The following AHNAK variants were observed in gnomAD, a reference collection of about 807,000 sequenced individuals.
AHNAK encodes AHNAK nucleoprotein.
AHNAK carries 23 observed loss-of-function variants against 37.8 expected under a neutral mutation model. The ratio of observed to expected loss-of-function variants is 0.61; its 90% CI spans 0.44 to 0.86. AHNAK has a LOEUF of 0.86. Among genes scored for constraint, AHNAK ranks in the 40% least tolerant of loss-of-function variants. AHNAK has a pLI of 0.00. For missense variants in AHNAK, 7,411 were observed against 7,319.4 expected, an observed-to-expected ratio of 1.01 and a Z score of -0.46; for synonymous variants, 2,481 against 2,636.3, an observed-to-expected ratio of 0.94 and a Z score of 1.80.
intron 5 of AHNAK, among the ~76,000 whole-genome samples, chr11:62,482,658 GT>G (rs1939298635): frequency 6.6e-6 from 1 of 152,112 alleles, no homozygotes; most frequent in East Asian, 1.9e-4. Context: ...ACCTCAGAGG[GT>G]GAGTGCTTAC....
intron 1 of AHNAK, among the ~76,000 whole-genome samples, chr11:62,544,742 A>C (rs1013869498): frequency 6.6e-6 from 1 of 152,142 alleles, no homozygotes; most frequent in African/African-American, 2.4e-5. Flanking sequence ...TTCTGAAAGG[A>C]AGTGAGTGCC....
At chr11:62,538,360 C>T (rs1941019642) in intron 1 of AHNAK, among the ~76,000 whole-genome samples, 1 of 152,232 alleles carries the variant, frequency 6.6e-6, no homozygotes, top group Admixed American at 6.5e-5. Flanking sequence ...CGCCCTCCAG[C>T]CACAAGGTGA....
At chr11:62,511,905 G>A (rs906309447), downstream of AHNAK, among the ~76,000 whole-genome samples, 15 of 152,044 alleles carry the variant, frequency 9.9e-5, no homozygotes, top group Non-Finnish European at 1.8e-4. Context: ...CTGGAGTGCC[G>A]TGGCACAATC....
intron 5 of AHNAK, among the ~76,000 whole-genome samples, chr11:62,476,529 A>G (rs1029769262): frequency 6.6e-6 from 1 of 152,192 alleles, no homozygotes; most frequent in African/African-American, 2.4e-5. Flanking sequence ...TTCCCGAAGA[A>G]CTCAACATGG....
At chr11:62,467,187 G>A (rs541696631) in intron 5 of AHNAK, among the ~76,000 whole-genome samples, 46 of 148,282 alleles carry the variant, frequency 3.1e-4, no homozygotes, top group African/African-American at 1.1e-3. Flanking sequence ...ACTCCAGTGT[G>A]GGTGACAAAG....
chr11:62,536,939 GTATTTTATT>G (rs941656899), intron 1 of AHNAK, among the ~76,000 whole-genome samples: 5 of 151,588 alleles, frequency 3.3e-5, no homozygotes, highest in African/African-American at 1.2e-4. Flanking sequence ...TTTTATTTAT[GTATTTTATT>G]TATTTTATTT....
intron 5 of AHNAK, among the ~76,000 whole-genome samples, chr11:62,449,908 T>C (rs10897281): frequency 0.38 from 57,317 of 151,814 alleles, 12,830 homozygotes; most frequent in East Asian, 0.66. Flanking sequence ...AATATGATTA[T>C]GATTAAAACA....
Position 62,525,934 on chromosome 11 carries a change from A to G in AHNAK, c.8483T>C (p.Met2828Thr), listed in dbSNP as rs1486466698. The change falls in exon 5 of 5, where the codon ATG becomes ACG. Residue 2828 changes from methionine (M) to threonine (T), a missense_variant. Transcript: ENST00000378024. The part of the protein sequence containing the change: ...WKSPKFKMPE[M>T]HFKTPKISMP... ...GGATATCTTTGGAGTCTTAAAATGC[A>G]TCTCTGGCATCTTAAACTTTGGACT... is the stretch of plus-strand genomic sequence containing the variant. The G allele has an allele frequency of 1.9e-6, 3 of 1,614,216 alleles. No homozygotes were observed. The highest frequency in any genetic ancestry group is 1.7e-5 in the Admixed American group (1 of 60,028).
chr11:62,535,829 G>T, intron 3 of AHNAK, 116 bp downstream of exon 3: 1 of 1,362,038 alleles, frequency 7.3e-7, no homozygotes. Flanking sequence ...TGATGCCACT[G>T]GGAATGGGCC....
At position 62,527,439 on chromosome 11, in the gene AHNAK, G is replaced by A. The variant is rs1565237427; in HGVS notation, c.6978C>T (p.Ile2326=). The change falls in exon 5 of 5, where the codon ATC becomes ATT. Residue 2326 remains isoleucine, a synonymous_variant. Transcript: ENST00000378024. ...GGGCAGAAACATCAACATCTCCTTT[G>A]ATTTTGGGTCCCTTTAAATTGAAAT... ...DVDFNLKGPK[I]KGDVDVSAPK... 3 of 1,613,956 alleles carry A rather than the reference G, an allele frequency of 1.9e-6. No homozygotes were observed. Among genetic ancestry groups the A allele is most frequent in the African/African-American group, 2.7e-5 (2 of 74,882 alleles).
intron 4 of AHNAK, among the ~76,000 whole-genome samples, chr11:62,495,151 A>G (rs1939584046): frequency 6.6e-6 from 1 of 152,046 alleles, no homozygotes; most frequent in South Asian, 2.1e-4. Flanking sequence ...TAGGTGACAG[A>G]GTGAGACCAC....
rs140429450 is a variant in AHNAK, at chr11:62,531,602, T to C, written c.2815A>G (p.Met939Val). ...GAGATCTTGGGGGCCTTGATATTCA[T>C]CTCTGGCATCTTGAACTTGGGGCCC... is the stretch of plus-strand genomic sequence containing the variant. ...LKGPKFKMPEMNIKAPKISMP... is the reference protein window; with the variant it reads ...LKGPKFKMPEVNIKAPKISMP... Residue 939 changes from methionine to valine, a missense_variant, in exon 5 of 5, where the codon ATG becomes GTG. Met to Val is a conservative substitution (Grantham distance 21). Transcript: ENST00000378024. 36 of 1,613,788 alleles carry C rather than the reference T, an allele frequency of 2.2e-5. 1 individual carries two copies. In the South Asian group the frequency reaches 3.6e-4, roughly 16 times the overall value.
At chr11:62,476,384 C>CTA (rs895954835) in intron 5 of AHNAK, among the ~76,000 whole-genome samples, 62 of 152,280 alleles carry the variant, frequency 4.1e-4, no homozygotes, top group African/African-American at 1.5e-3. Context: ...CAGAGCAAGA[C>CTA]TCCGTCTCAA....
intron 4 of AHNAK, among the ~76,000 whole-genome samples, chr11:62,508,937 C>G (rs939375417): frequency 2.6e-5 from 4 of 152,192 alleles, no homozygotes; most frequent in African/African-American, 9.7e-5. Flanking sequence ...TAAACTTGCC[C>G]AAACTTGGAC....
In AHNAK at chr11:62,498,700, C is replaced by A. The variant is rs534043517; in HGVS notation, c.343-6869G>T. Among the ~76,000 whole-genome samples the A allele has an allele frequency of 1.8e-4, 28 of 151,670 alleles. 2 individuals are homozygous for A. In the South Asian group the frequency reaches 5.8e-3, roughly 32 times the overall value. ...GCTGAGGTGGGAGGATCTCTTGAGT[C>A]CAGGAGTTCAAGGTTGCAGTGAGCT... is the stretch of plus-strand genomic sequence containing the variant. On this transcript the variant is annotated intron_variant, in intron 4 of 5. Coordinates refer to the AHNAK transcript ENST00000257247.
chr11:62,460,455 G>A (rs1938758683), intron 5 of AHNAK, among the ~76,000 whole-genome samples: 1 of 152,218 alleles, frequency 6.6e-6, no homozygotes, highest in African/African-American at 2.4e-5. Context: ...AGCTCCCCAA[G>A]AGGCAGTGTG....
At chr11:62,485,204 G>T (rs1939365620) in intron 5 of AHNAK, among the ~76,000 whole-genome samples, 1 of 152,148 alleles carries the variant, frequency 6.6e-6, no homozygotes, top group Non-Finnish European at 1.5e-5. Flanking sequence ...TTCAAGACCA[G>T]TCTGGGCACC....
rs556488866 is a variant in AHNAK at position 62,491,262 on chromosome 11, A to C, written c.442+470T>G. ...CTTCTTCCCCTCCAGCTCACCCTCC[A>C]TGTGGGCATCTCCCTCCTAGGAGGC... On this transcript the variant is annotated intron_variant, in intron 5 of 5. Transcript: ENST00000257247. Among the ~76,000 whole-genome samples the C allele has an allele frequency of 6.6e-5, 10 of 152,074 alleles. No homozygotes were observed. The South Asian group carries it at 1.0e-3, about 16-fold the overall frequency.
At chr11:62,449,672 C>G (rs1201018169) in intron 5 of AHNAK, among the ~76,000 whole-genome samples, 1 of 152,206 alleles carries the variant, frequency 6.6e-6, no homozygotes, top group Non-Finnish European at 1.5e-5. Context: ...CCTGGCATGC[C>G]AGGGGACGCT....
Sources: gnomAD v4.1 joint callset for allele counts (sites outside exome capture counted in the v4.1 genomes callset) on GRCh38, gnomAD v4.1.1 for gene constraint, MANE v1.5 for transcripts, NCBI Gene and HGNC (gene_info 2026-07-23, HGNC 2026-07-21) for gene names.